ART3: variants seen among roughly 807,000 people sequenced by gnomAD.
ART3 encodes the protein ADP-ribosyltransferase 3 (inactive).
ART3 carries 49 observed loss-of-function variants against 48.5 expected under a neutral mutation model. The ratio of observed to expected loss-of-function variants is 1.01; its 90% CI spans 0.80 to 1.28. ART3 has a LOEUF of 1.28. Among genes scored for constraint, ART3 ranks in the 50% most tolerant of loss-of-function variants. ART3 has a pLI of 0.00. For synonymous variants in ART3, 145 were observed against 157.2 expected (o/e 0.92, Z 0.58); for missense variants, 438 against 454.3 (o/e 0.96, Z 0.33).
chr4:76,046,973 G>T (rs905190166), intron 1 of ART3, among the ~76,000 whole-genome samples: 1 of 94,154 alleles, frequency 1.1e-5, no homozygotes, highest in Non-Finnish European at 2.1e-5. Flanking sequence ...ACATACCCGG[G>T]GCTCAGTGAG....
At position 76,030,259 on chromosome 4, in the gene ART3, T is replaced by C. The variant is rs368839446; in HGVS notation, c.-10+18939T>C. Reference sequence around the variant, plus strand: ...CTTTGGTAGAGACGGGGTTTCACCATGTTGGCCAGGCTGGTCTTGAACTGC... The same window carrying C: ...CTTTGGTAGAGACGGGGTTTCACCACGTTGGCCAGGCTGGTCTTGAACTGC... On this transcript the variant is annotated intron_variant, in intron 1 of 9. Transcript: ENST00000341029. 9.5e-4 allele frequency among the ~76,000 whole-genome samples: 145 copies of C among 152,304 alleles called. 3 individuals are homozygous for C. The highest frequency in any genetic ancestry group is 3.2e-3 in the African/African-American group (133 of 41,566).
chr4:76,030,475 T>C (rs369814295), intron 1 of ART3, among the ~76,000 whole-genome samples: 13 of 152,356 alleles, frequency 8.5e-5, no homozygotes, highest in African/African-American at 2.4e-4. Flanking sequence ...CTTTTTATGA[T>C]AGTAAAATAC....
At chr4:76,083,729 T>TA (rs1157648439) in intron 3 of ART3, among the ~76,000 whole-genome samples, 2 of 152,212 alleles carry the variant, frequency 1.3e-5, no homozygotes, top group Non-Finnish European at 2.9e-5. Context: ...CAGAAACCCT[T>TA]ACTAAACTCC....
chr4:76,074,325 T>C (rs1470224351), upstream of ART3, among the ~76,000 whole-genome samples: 2 of 152,204 alleles, frequency 1.3e-5, no homozygotes, highest in African/African-American at 2.4e-5. Context: ...ACCTGAAATA[T>C]AGTAAGCTAG....
intron 1 of ART3, among the ~76,000 whole-genome samples, chr4:76,052,297 C>T (rs973899918): frequency 1.3e-5 from 2 of 152,120 alleles, no homozygotes; most frequent in Non-Finnish European, 2.9e-5. Flanking sequence ...TATCAATGCT[C>T]ACATTTTATA....
intron 1 of ART3, chr4:76,035,793 TA>T: frequency 1.4e-6 from 1 of 739,830 alleles, no homozygotes; most frequent in Non-Finnish European, 2.2e-6. Flanking sequence ...ATTTCTGTGC[TA>T]AAGCTGTAGT....
intron 1 of ART3, among the ~76,000 whole-genome samples, chr4:76,067,811 C>G (rs904606789): frequency 1.3e-5 from 2 of 152,136 alleles, no homozygotes; most frequent in African/African-American, 4.8e-5. Flanking sequence ...AGAGCAGTGG[C>G]CTGCCATTGA....
At chr4:76,065,552 AACAC>A (rs56794781) in intron 1 of ART3, among the ~76,000 whole-genome samples, 15 of 145,280 alleles carry the variant, frequency 1.0e-4, no homozygotes, top group African/African-American at 2.3e-4. Context: ...ATAACCCTCC[AACAC>A]ACACACACAC....
At chr4:76,051,896 CTCTTTT>C (rs1000246184) in intron 1 of ART3, among the ~76,000 whole-genome samples, 21 of 100,250 alleles carry the variant, frequency 2.1e-4, no homozygotes, top group African/African-American at 8.2e-4. Context: ...CTCTCTCTCT[CTCTTTT>C]TTTTTTTTTT....
chr4:76,093,785 C>G (rs573424616), intron 3 of ART3, among the ~76,000 whole-genome samples: 1 of 152,268 alleles, frequency 6.6e-6, no homozygotes, highest in South Asian at 2.1e-4. Context: ...TATTTTTCAT[C>G]TCAGAATTTT....
Position 76,022,071 on chromosome 4 carries a change from A to G in ART3, c.-10+10751A>G, listed in dbSNP as rs4859585. On this transcript the variant is annotated intron_variant, in intron 1 of 9. Transcript: ENST00000341029. ...TGAGCTTTCCTGCTGCTATGCATTCATTATGGATTATAGGGGTTGCTTTTT... is the reference window on the plus strand; with the variant it reads ...TGAGCTTTCCTGCTGCTATGCATTCGTTATGGATTATAGGGGTTGCTTTTT... 6.9e-3 allele frequency: 6,614 copies of G among 961,086 alleles called. 163 individuals carry two copies. The highest frequency in any genetic ancestry group is 0.068 in the Admixed American group (3,748 of 55,480). The allele number at this position is 961,086 out of a possible 1,614,324, so 59.5% of individuals were successfully genotyped here. A position where few individuals can be genotyped will look rare whatever the true frequency, so the allele number is the denominator to read the frequency against.
intron 1 of ART3, among the ~76,000 whole-genome samples, chr4:76,067,768 A>G (rs968966507): frequency 1.3e-5 from 2 of 152,252 alleles, no homozygotes; most frequent in Non-Finnish European, 2.9e-5. Context: ...TTCTTTGAAT[A>G]AATATTTAAA....
At chr4:76,034,298 G>A (rs1734140282) in intron 1 of ART3, 1 of 397,662 alleles carries the variant, frequency 2.5e-6, no homozygotes, top group South Asian at 1.4e-4. Flanking sequence ...CTTGACTCCA[G>A]TAATAATGTC....
chr4:76,069,682 A>G (rs889258536), intron 1 of ART3, among the ~76,000 whole-genome samples: 69 of 152,140 alleles, frequency 4.5e-4, no homozygotes, highest in African/African-American at 1.6e-3. Flanking sequence ...GAGCCACTGC[A>G]TCCGGCCTTA....
In ART3 at chr4:76,112,777, T is replaced by G. The variant is rs1729722368; in HGVS notation, c.*258T>G. 1 of 325,808 alleles carries G rather than the reference T, an allele frequency of 3.1e-6. No homozygotes were observed. The highest frequency in any genetic ancestry group is 2.2e-5 in the African/African-American group (1 of 46,056). 20.2% of individuals were successfully genotyped at this position (325,808 alleles called of 1,614,324 possible). A position where few individuals can be genotyped will look rare whatever the true frequency, so the allele number is the denominator to read the frequency against. ...CTTCTGATTAAATTCAATAAAAGATTTTGATTAGATATTTCAGAATTGCCA... is the reference window on the plus strand; with the variant it reads ...CTTCTGATTAAATTCAATAAAAGATGTTGATTAGATATTTCAGAATTGCCA... On this transcript the variant is annotated 3_prime_UTR_variant, in exon 12 of 12. Coordinates refer to ENST00000355810, the MANE Select transcript of ART3 (RefSeq NM_001130016.3).
chr4:76,019,533 AAG>A (rs1732585268), intron 1 of ART3, among the ~76,000 whole-genome samples: 2 of 100,620 alleles, frequency 2.0e-5, no homozygotes, highest in Middle Eastern at 4.2e-3. Context: ...GCGCCACTGC[AAG>A]CTCTGCCTTC....
chr4:76,101,234 T>G (rs527966468), intron 8 of ART3, among the ~76,000 whole-genome samples: 8 of 152,324 alleles, frequency 5.3e-5, no homozygotes, highest in African/African-American at 1.9e-4. Context: ...TAACAATCTT[T>G]AGGTCATCCC....
intron 1 of ART3, chr4:76,022,651 T>C: frequency 1.9e-6 from 3 of 1,601,648 alleles, no homozygotes; most frequent in Non-Finnish European, 2.6e-6. Flanking sequence ...AGTATATAAT[T>C]ACAACCAGGG....
At chr4:76,073,263 G>A (rs114210510), upstream of ART3, among the ~76,000 whole-genome samples, 1,414 of 152,314 alleles carry the variant, frequency 9.3e-3, 22 homozygotes, top group African/African-American at 0.033. Flanking sequence ...GGAGGCCAGC[G>A]ACAGGAGAAC....
Sources: gnomAD v4.1 joint callset for allele counts (sites outside exome capture counted in the v4.1 genomes callset) on GRCh38, gnomAD v4.1.1 for gene constraint, MANE v1.5 for transcripts, NCBI Gene and HGNC (gene_info 2026-07-23, HGNC 2026-07-21) for gene names.